The following B4GALT6 variants were observed in gnomAD, a reference collection of about 807,000 sequenced individuals.
The protein encoded by B4GALT6 is UDP-Gal:beta-GlcNAc beta-1,4-galactosyltransferase 6.
A neutral mutation model predicts 46.3 loss-of-function variants in B4GALT6; 14 were observed. That is an observed-to-expected ratio of 0.30 (90% CI 0.20 to 0.47). The LOEUF is 0.47. Among genes scored for constraint, B4GALT6 ranks in the 20% least tolerant of loss-of-function variants. The pLI is 0.99. For missense variants in B4GALT6, 386 were observed against 480.1 expected (o/e 0.80, Z 1.83); for synonymous variants, 168 against 162.0 (o/e 1.04, Z -0.28).
chr18:31,694,507 C>T, the B4GALT6 span, among the ~76,000 whole-genome samples: 2 of 152,212 alleles, frequency 1.3e-5, no homozygotes, highest in African/African-American at 2.4e-5. Flanking sequence ...CTCAGAGTCT[C>T]TCTAAACTCT....
chr18:31,667,124 A>G (rs972413887), intron 1 of B4GALT6, among the ~76,000 whole-genome samples: 4 of 152,034 alleles, frequency 2.6e-5, no homozygotes, highest in African/African-American at 7.3e-5. Flanking sequence ...AGATGTCCAG[A>G]CTCCCCAGAG....
At chr18:31,653,310 T>C (rs1325818415) in intron 3 of B4GALT6, among the ~76,000 whole-genome samples, 1 of 152,248 alleles carries the variant, frequency 6.6e-6, no homozygotes, top group East Asian at 1.9e-4. Flanking sequence ...GCCTCCCTTG[T>C]GGTGATGCTG....
chr18:31,679,621 G>T (rs2074456696), intron 1 of B4GALT6, among the ~76,000 whole-genome samples: 1 of 152,180 alleles, frequency 6.6e-6, no homozygotes, highest in South Asian at 2.1e-4. Flanking sequence ...ACTCAGATGT[G>T]TTGGAGGATA....
intron 8 of B4GALT6, among the ~76,000 whole-genome samples, 156 bp from the exon 9 acceptor site, chr18:31,625,917 T>C (rs989986959): frequency 6.6e-6 from 1 of 152,224 alleles, no homozygotes; most frequent in African/African-American, 2.4e-5. Flanking sequence ...TAAACCATTA[T>C]TCTAAATTAG....
chr18:31,628,424 T>A (rs889666704), intron 6 of B4GALT6, among the ~76,000 whole-genome samples: 1 of 152,198 alleles, frequency 6.6e-6, no homozygotes, highest in South Asian at 2.1e-4. Context: ...TGTGTGCTTA[T>A]TGACATGTAT....
At chr18:31,686,407 C>T (rs973857106), upstream of B4GALT6, 1 of 152,202 alleles carries the variant, frequency 6.6e-6, no homozygotes, top group African/African-American at 2.4e-5. Context: ...AGCCTGTTTT[C>T]TCCGCCCTCA....
At chr18:31,672,934 AG>A (rs2074373145) in intron 1 of B4GALT6, among the ~76,000 whole-genome samples, 1 of 152,208 alleles carries the variant, frequency 6.6e-6, no homozygotes, top group African/African-American at 2.4e-5. Flanking sequence ...TGGAAACCAA[AG>A]GAAAATAGTA....
At chr18:31,658,148 G>T in intron 2 of B4GALT6, 59 bp from the exon 3 acceptor site, 1 of 1,209,234 alleles carries the variant, frequency 8.3e-7, no homozygotes, top group Non-Finnish European at 1.2e-6. Flanking sequence ...TTTCTCCCTG[G>T]AATGAAATAC....
chr18:31,651,627 G>C (rs554992835), intron 3 of B4GALT6, among the ~76,000 whole-genome samples: 1 of 151,994 alleles, frequency 6.6e-6, no homozygotes, highest in African/African-American at 2.4e-5. Flanking sequence ...CAAATAAACC[G>C]CGGGCTTCCT....
chr18:31,688,258 T>TATATATATATATATATATAC (rs1555643341), upstream of B4GALT6, among the ~76,000 whole-genome samples: 13 of 148,598 alleles, frequency 8.7e-5, no homozygotes, highest in African/African-American at 3.0e-4. Context: ...TATATATATA[T>TATATATATATATATATATAC]ACATATATAT....
intron 1 of B4GALT6, among the ~76,000 whole-genome samples, chr18:31,672,516 C>T (rs1363329307): frequency 2.6e-5 from 4 of 152,178 alleles, no homozygotes; most frequent in Non-Finnish European, 5.9e-5. Context: ...GTGAATTAAT[C>T]TCAGCTTGAA....
At chr18:31,685,307 G>C (rs1423427297), upstream of B4GALT6, among the ~76,000 whole-genome samples, 1 of 150,194 alleles carries the variant, frequency 6.7e-6, no homozygotes, top group Admixed American at 6.6e-5. Flanking sequence ...CGCGCTGCGG[G>C]CAGAGCCGGG....
At chr18:31,632,009 A>C (rs1567959097) in intron 5 of B4GALT6, among the ~76,000 whole-genome samples, 1 of 152,080 alleles carries the variant, frequency 6.6e-6, no homozygotes, top group Non-Finnish European at 1.5e-5. Flanking sequence ...TCCTTTATTT[A>C]TCAGTGAACA....
chr18:31,679,542 A>T (rs964387328), intron 1 of B4GALT6, among the ~76,000 whole-genome samples: 1 of 152,194 alleles, frequency 6.6e-6, no homozygotes, highest in Non-Finnish European at 1.5e-5. Context: ...TTCCAATTTA[A>T]CCCGTGATTC....
At chr18:31,707,814 C>T in the B4GALT6 span, among the ~76,000 whole-genome samples, 1 of 152,128 alleles carries the variant, frequency 6.6e-6, no homozygotes, top group Non-Finnish European at 1.5e-5. Context: ...AACAATGGTT[C>T]TATATTCTTT....
At chr18:31,682,024 C>G (rs1225367873) in intron 1 of B4GALT6, among the ~76,000 whole-genome samples, 1 of 152,056 alleles carries the variant, frequency 6.6e-6, no homozygotes, top group Non-Finnish European at 1.5e-5. Flanking sequence ...AATAAGAAAT[C>G]TGAAGCACTT....
chr18:31,687,800 A>G (rs2029977264), upstream of B4GALT6, among the ~76,000 whole-genome samples: 1 of 152,216 alleles, frequency 6.6e-6, no homozygotes, highest in African/African-American at 2.4e-5. Context: ...ATGGTTTTCT[A>G]GTTGTATTAA....
chr18:31,675,983 A>G (rs190255062), intron 1 of B4GALT6, among the ~76,000 whole-genome samples: 1 of 152,314 alleles, frequency 6.6e-6, no homozygotes, highest in East Asian at 1.9e-4. Context: ...GCCTAAAATG[A>G]GAATCAGAGA....
In B4GALT6 at chr18:31,623,423, A is replaced by G. The variant is rs550439113; in HGVS notation, c.*2191T>C. ...ATATCTCACTCCTGAAACAAAAATTAACATCAGACTTAAGAAAATAAGGCA... is the reference window on the plus strand; with the variant it reads ...ATATCTCACTCCTGAAACAAAAATTGACATCAGACTTAAGAAAATAAGGCA... On this transcript the variant is annotated 3_prime_UTR_variant, in exon 9 of 9. Transcript: ENST00000306851. The G allele has an allele frequency of 3.9e-5, 6 of 152,612 alleles. No individual in the cohort carries two copies. In the South Asian group the frequency reaches 1.2e-3, roughly 32 times the overall value. 9.5% of individuals were successfully genotyped at this position (152,612 alleles called of 1,614,324 possible).
Sources: gnomAD v4.1 joint callset for allele counts (sites outside exome capture counted in the v4.1 genomes callset) on GRCh38, gnomAD v4.1.1 for gene constraint, MANE v1.5 for transcripts, NCBI Gene and HGNC (gene_info 2026-07-23, HGNC 2026-07-21) for gene names.